BNC2: variants seen among roughly 807,000 people sequenced by gnomAD.
The protein encoded by BNC2 is basonuclin zinc finger protein 2, also known as zinc finger protein basonuclin-2.
Under a neutral mutation model 76.3 loss-of-function variants are expected in BNC2, and 20 were observed. The observed-to-expected ratio is 0.26, with a 90% CI of 0.18 to 0.38. BNC2 has a LOEUF of 0.38. BNC2 is among the 10% of genes least tolerant of loss of function. The pLI is 1.00. For synonymous variants in BNC2, 582 were observed against 514.8 expected, an observed-to-expected ratio of 1.13 and a Z score of -1.77; for missense variants, 1,382 against 1,399.8, an observed-to-expected ratio of 0.99 and a Z score of 0.20.
chr9:16,662,745 TAA>T (rs933137322), intron 3 of BNC2, among the ~76,000 whole-genome samples: 1 of 149,986 alleles, frequency 6.7e-6, no homozygotes, highest in Non-Finnish European at 1.5e-5. Context: ...AAAAATAAAA[TAA>T]AACAAGAGAA....
chr9:16,663,089 G>A (rs1004196135), intron 3 of BNC2, among the ~76,000 whole-genome samples: 2 of 144,778 alleles, frequency 1.4e-5, no homozygotes, highest in African/African-American at 2.6e-5. Context: ...CTACTCGCTC[G>A]CTCAATTCCA....
At chr9:16,844,108 T>C (rs796826158) in intron 1 of BNC2, among the ~76,000 whole-genome samples, 43 of 151,770 alleles carry the variant, frequency 2.8e-4, no homozygotes, top group African/African-American at 9.2e-4. Context: ...AAAATAATAA[T>C]AATAAATCTT....
intron 1 of BNC2, among the ~76,000 whole-genome samples, chr9:16,781,660 G>A (rs1418717674): frequency 6.6e-6 from 1 of 152,122 alleles, no homozygotes; most frequent in African/African-American, 2.4e-5. Flanking sequence ...AAACACATTC[G>A]TGGCAGAATT....
chr9:16,663,130 C>CTTTTTTTTTTTT lies in BNC2; in HGVS notation c.330+64655_330+64666dup, dbSNP rs71325979. The stretch of plus-strand genomic sequence containing the variant: ...CCATAGGCACTCCACTCTGTTTACT[C>CTTTTTTTTTTTT]TTTTTTTTTTTTTTTTGGAGACGGA... On this transcript the variant is annotated intron_variant, in intron 3 of 6. Coordinates refer to ENST00000380672, the MANE Select transcript of BNC2 (RefSeq NM_017637.6). 2.3e-4 allele frequency among the ~76,000 whole-genome samples: 23 copies of CTTTTTTTTTTTT among 99,616 alleles called. 4 individuals carry two copies. The highest frequency in any genetic ancestry group is 3.3e-4 in the Admixed American group (3 of 9,154). 65.4% of individuals were successfully genotyped at this position (99,616 alleles called of 152,430 possible).
At chr9:16,463,817 G>C (rs930448235) in intron 5 of BNC2, among the ~76,000 whole-genome samples, 1 of 151,778 alleles carries the variant, frequency 6.6e-6, no homozygotes, top group African/African-American at 2.4e-5. Context: ...AGCACTTTGG[G>C]AGGCCCGGTG....
chr9:16,462,445 G>A (rs1037455329), intron 5 of BNC2, among the ~76,000 whole-genome samples: 2 of 152,094 alleles, frequency 1.3e-5, no homozygotes, highest in African/African-American at 4.8e-5. Flanking sequence ...AGTGTAAACT[G>A]GTGTAAAGTG....
intron 4 of BNC2, among the ~76,000 whole-genome samples, chr9:16,562,531 A>G (rs999585599): frequency 6.6e-6 from 1 of 152,238 alleles, no homozygotes; most frequent in Non-Finnish European, 1.5e-5. Context: ...TAATCAAATA[A>G]TAGCAAAATA....
intron 5 of BNC2, among the ~76,000 whole-genome samples, chr9:16,533,478 A>C (rs1450525303): frequency 6.6e-6 from 1 of 152,228 alleles, no homozygotes; most frequent in Non-Finnish European, 1.5e-5. Context: ...AAAGCCAATA[A>C]AAATAAGACA....
chr9:16,527,181 A>G (rs1444420592), intron 5 of BNC2, among the ~76,000 whole-genome samples: 1 of 152,236 alleles, frequency 6.6e-6, no homozygotes, highest in Non-Finnish European at 1.5e-5. Flanking sequence ...CTGGCTTCTC[A>G]TTCTTAAGCT....
chr9:16,839,272 T>C lies in BNC2; in HGVS notation c.3+31374A>G, dbSNP rs566885170. ...GCTTTCAATACTGCTCAACCAATCA[T>C]AACTAGCACTCGTTGCTAAGGCTAT... On this transcript the variant is annotated intron_variant, in intron 1 of 6. Coordinates refer to ENST00000380672, the MANE Select transcript of BNC2 (RefSeq NM_017637.6). Among the ~76,000 whole-genome samples the C allele has an allele frequency of 3.3e-5, 5 of 152,354 alleles. No homozygotes were observed. In the South Asian group the frequency reaches 1.0e-3, roughly 32 times the overall value.
At chr9:16,745,757 C>T (rs1251241262) in intron 1 of BNC2, among the ~76,000 whole-genome samples, 3 of 152,156 alleles carry the variant, frequency 2.0e-5, no homozygotes, top group South Asian at 4.1e-4. Flanking sequence ...TTTTCCTAAA[C>T]CCTAGATTGT....
intron 3 of BNC2, among the ~76,000 whole-genome samples, chr9:16,604,977 C>T (rs1280516207): frequency 6.6e-6 from 1 of 152,126 alleles, no homozygotes; most frequent in Non-Finnish European, 1.5e-5. Context: ...CCAAACAAAT[C>T]CCTCCACTCT....
chr9:16,858,243 C>T (rs1399806708), intron 1 of BNC2, among the ~76,000 whole-genome samples: 1 of 152,194 alleles, frequency 6.6e-6, no homozygotes, highest in Non-Finnish European at 1.5e-5. Flanking sequence ...CTTAATTCCA[C>T]CCTTCAGGGC....
At chr9:16,681,118 G>T (rs1219085888) in intron 3 of BNC2, among the ~76,000 whole-genome samples, 2 of 152,208 alleles carry the variant, frequency 1.3e-5, no homozygotes, top group Non-Finnish European at 2.9e-5. Flanking sequence ...GGCACTCAAA[G>T]GGAAGCTGAG....
intron 5 of BNC2, among the ~76,000 whole-genome samples, chr9:16,518,957 G>A (rs558228881): frequency 1.3e-5 from 2 of 152,304 alleles, no homozygotes; most frequent in South Asian, 2.1e-4. Context: ...ATAGTTTGGT[G>A]AGTCAAACAA....
rs111950305 is a variant in BNC2, at chr9:16,597,582, A to G, written c.331-14497T>C. On this transcript the variant is annotated intron_variant, in intron 3 of 6. Transcript: ENST00000380672. ...AGGTTACAATAGAAATGTTTTTAAA[A>G]AATTATGAAAATCTACAGCAATTCT... Among the ~76,000 whole-genome samples the G allele has an allele frequency of 5.2e-3, 795 of 152,258 alleles. 6 individuals carry two copies. The highest frequency in any genetic ancestry group is 0.018 in the African/African-American group (749 of 41,580).
At chr9:16,797,732 A>G (rs1191948275) in intron 1 of BNC2, among the ~76,000 whole-genome samples, 2 of 152,162 alleles carry the variant, frequency 1.3e-5, no homozygotes, top group Non-Finnish European at 1.5e-5. Context: ...TTGCCACCCT[A>G]GAAACCAGCA....
intron 5 of BNC2, among the ~76,000 whole-genome samples, chr9:16,450,853 A>C (rs1393712490): frequency 2.0e-5 from 3 of 152,208 alleles, no homozygotes; most frequent in African/African-American, 7.2e-5. Flanking sequence ...GCATGAAAGC[A>C]ATGCAACTTC....
chr9:16,855,679 A>G (rs1819236466), intron 1 of BNC2, among the ~76,000 whole-genome samples: 1 of 150,968 alleles, frequency 6.6e-6, no homozygotes, highest in African/African-American at 2.4e-5. Flanking sequence ...CTGGGACTAC[A>G]GGCGCCCGCG....
Sources: gnomAD v4.1 joint callset for allele counts (sites outside exome capture counted in the v4.1 genomes callset) on GRCh38, gnomAD v4.1.1 for gene constraint, MANE v1.5 for transcripts, NCBI Gene and HGNC (gene_info 2026-07-23, HGNC 2026-07-21) for gene names.